Variants in EXTL3 observed in about 807,000 individuals in gnomAD.
The protein encoded by EXTL3 is exostosin like glycosyltransferase 3, also known as exostosin-like 3.
Under a neutral mutation model 69.3 loss-of-function variants are expected in EXTL3, and 27 were observed. The ratio of observed to expected loss-of-function variants is 0.39; its 90% confidence interval spans 0.29 to 0.54. The LOEUF (loss-of-function observed/expected upper bound fraction) is 0.54. Among genes scored for constraint, EXTL3 ranks in the 20% least tolerant of loss-of-function variants. EXTL3 has a pLI of 0.69. For missense variants in EXTL3, 1,003 were observed against 1,231.8 expected (o/e 0.81, Z 2.78); for synonymous variants, 511 against 499.4 (o/e 1.02, Z -0.31).
At chr8:28,756,121 C>T (rs1185703724), downstream of EXTL3, among the ~76,000 whole-genome samples, 1 of 152,210 alleles carries the variant, frequency 6.6e-6, no homozygotes, top group African/African-American at 2.4e-5. Context: ...CACTGTAATG[C>T]ACACATCTTC....
chr8:28,619,249 A>G (rs1389747137), upstream of EXTL3, among the ~76,000 whole-genome samples: 1 of 127,578 alleles, frequency 7.8e-6, no homozygotes, highest in Non-Finnish European at 1.6e-5. Flanking sequence ...AAGCCCACGT[A>G]GAAATTAGCT....
chr8:28,627,974 C>T (rs947569487), intron 1 of EXTL3, among the ~76,000 whole-genome samples: 2 of 152,000 alleles, frequency 1.3e-5, no homozygotes, highest in African/African-American at 4.8e-5. Flanking sequence ...AGAGTTTCAG[C>T]CTGGGAAGAT....
intron 1 of EXTL3, among the ~76,000 whole-genome samples, chr8:28,660,941 T>G (rs575393222): frequency 7.1e-6 from 1 of 141,482 alleles, no homozygotes; most frequent in East Asian, 2.1e-4. Context: ...TGAGACAGAG[T>G]CTTGCTCTGT....
At position 28,730,755 on chromosome 8, in the gene EXTL3, G is replaced by C. The variant is rs1323256525; in HGVS notation, c.2149-468G>C. On this transcript the variant is annotated intron_variant, in intron 3 of 6. Transcript: ENST00000220562. ...GTAACTAATCTCGACCAGATGGGCT[G>C]TGCTCTTTTTTGGGATTTATATCCC... Among the ~76,000 whole-genome samples, 3 of 151,898 alleles carry C rather than the reference G, an allele frequency of 2.0e-5. No homozygotes were observed. In the East Asian group the frequency reaches 5.8e-4, roughly 30 times the overall value.
At chr8:28,749,523 C>T (rs1478203749) in intron 6 of EXTL3, among the ~76,000 whole-genome samples, 1 of 152,186 alleles carries the variant, frequency 6.6e-6, no homozygotes, top group Non-Finnish European at 1.5e-5. Context: ...TTCCAAAGGC[C>T]CCCAGCCCGC....
At chr8:28,625,651 GATAA>G (rs1399030826) in intron 1 of EXTL3, among the ~76,000 whole-genome samples, 1 of 152,088 alleles carries the variant, frequency 6.6e-6, no homozygotes, top group East Asian at 1.9e-4. Flanking sequence ...GGAATATGAA[GATAA>G]ATAGTTTAAC....
chr8:28,620,863 G>A (rs1319336585), upstream of EXTL3, among the ~76,000 whole-genome samples: 1 of 152,050 alleles, frequency 6.6e-6, no homozygotes, highest in Non-Finnish European at 1.5e-5. Flanking sequence ...GCTATGGTGG[G>A]CACCATCATG....
At position 28,701,585 on chromosome 8, in the gene EXTL3, C is replaced by G; in HGVS notation, c.-644C>G. 1 of 158,780 alleles carries G rather than the reference C, an allele frequency of 6.3e-6. No homozygotes were observed. Among genetic ancestry groups the G allele is most frequent in the Middle Eastern group, 3.1e-3 (1 of 322 alleles). 9.8% of individuals were successfully genotyped at this position (158,780 alleles called of 1,614,324 possible). On this transcript the variant is annotated 5_prime_UTR_variant, in exon 1 of 7. Coordinates refer to ENST00000220562, the MANE Select transcript of EXTL3 (RefSeq NM_001440.4). ...GCCTGGAAGGCGGGCGGCCGGCAGC[C>G]AGAACGGCTTCTGGGACGCCGACTT...
chr8:28,635,416 A>G (rs1300190997), intron 1 of EXTL3, among the ~76,000 whole-genome samples: 2 of 135,422 alleles, frequency 1.5e-5, no homozygotes, highest in Non-Finnish European at 3.1e-5. Context: ...AAAAAAAAAA[A>G]ATTGGCCGAG....
intron 2 of EXTL3, among the ~76,000 whole-genome samples, chr8:28,613,991 T>A (rs1342987780): frequency 1.3e-5 from 2 of 151,812 alleles, no homozygotes; most frequent in Non-Finnish European, 2.9e-5. Context: ...ACCCAGCTAC[T>A]TTTTTTATGT....
chr8:28,639,266 A>G (rs1806706228), intron 1 of EXTL3, among the ~76,000 whole-genome samples: 1 of 152,030 alleles, frequency 6.6e-6, no homozygotes, highest in African/African-American at 2.4e-5. Context: ...CTTCCCCAAC[A>G]TCGGCTTAGT....
At chr8:28,723,640 G>GT (rs34831917) in intron 3 of EXTL3, among the ~76,000 whole-genome samples, 8,211 of 120,870 alleles carry the variant, frequency 0.068, 959 homozygotes, top group African/African-American at 0.22. Flanking sequence ...GCTCAGGACT[G>GT]TTTTTTTTTT....
At chr8:28,718,338 C>A in intron 3 of EXTL3, 131 bp downstream of exon 3, 1 of 916,136 alleles carries the variant, frequency 1.1e-6, no homozygotes, top group South Asian at 1.4e-5. Context: ...CATGAAAAAC[C>A]TGTATAGATT....
intron 1 of EXTL3, among the ~76,000 whole-genome samples, chr8:28,691,213 T>A (rs1012794687): frequency 1.3e-5 from 2 of 152,134 alleles, no homozygotes; most frequent in African/African-American, 4.8e-5. Context: ...CATTTTAACA[T>A]AAAAAAGGGA....
intron 1 of EXTL3, among the ~76,000 whole-genome samples, chr8:28,688,490 T>C (rs1167034435): frequency 6.6e-6 from 1 of 152,216 alleles, no homozygotes; most frequent in Non-Finnish European, 1.5e-5. Context: ...CTTACACTAC[T>C]CCTATGGGTA....
intron 3 of EXTL3, among the ~76,000 whole-genome samples, chr8:28,726,838 T>C (rs978190319): frequency 1.2e-4 from 18 of 152,148 alleles, no homozygotes; most frequent in Middle Eastern, 3.4e-3. Context: ...ACTGTAGTGC[T>C]TGGTGTTGTG....
chr8:28,633,541 C>T (rs953320373), intron 1 of EXTL3, among the ~76,000 whole-genome samples: 2 of 151,516 alleles, frequency 1.3e-5, no homozygotes, highest in East Asian at 1.9e-4. Flanking sequence ...AGCTGAAGCA[C>T]GAGAATCACG....
At chr8:28,739,206 C>A (rs746574686) in intron 5 of EXTL3, among the ~76,000 whole-genome samples, 2 of 152,186 alleles carry the variant, frequency 1.3e-5, no homozygotes, top group Non-Finnish European at 2.9e-5. Context: ...GTAAACTTTT[C>A]CCAGGAAAGC....
intron 1 of EXTL3, among the ~76,000 whole-genome samples, chr8:28,631,004 G>A (rs74838625): frequency 1.3e-3 from 196 of 152,202 alleles, no homozygotes; most frequent in African/African-American, 4.7e-3. Context: ...AAATCCCGTG[G>A]GACACCTGAG....
Sources: gnomAD v4.1 joint callset for allele counts (sites outside exome capture counted in the v4.1 genomes callset) on GRCh38, gnomAD v4.1.1 for gene constraint, MANE v1.5 for transcripts, NCBI Gene and HGNC (gene_info 2026-07-23, HGNC 2026-07-21) for gene names.